The following ERG28 variants were observed in gnomAD, a reference collection of about 807,000 sequenced individuals.
ERG28 encodes ergosterol biosynthesis 28 homolog, also known as ergosterol biosynthetic protein 28 homolog.
ERG28 carries 9 observed loss-of-function variants against 15.7 expected under a neutral mutation model. That is an observed-to-expected ratio of 0.57 (90% confidence interval 0.35 to 1.00). ERG28 has a LOEUF of 1.00. Ranked by LOEUF, ERG28 falls within the 50% of genes least tolerant of loss-of-function variation. The pLI is 0.02. For missense variants in ERG28, 117 were observed against 173.3 expected (o/e 0.68, Z 1.82); for synonymous variants, 61 against 68.4 (o/e 0.89, Z 0.53).
intron 1 of ERG28, among the ~76,000 whole-genome samples, chr14:75,659,872 C>A (rs1353189433): frequency 1.3e-5 from 2 of 151,870 alleles, no homozygotes; most frequent in Non-Finnish European, 2.9e-5. Flanking sequence ...CCGCCGCCCC[C>A]CCCCGCCAAC....
intron 3 of ERG28, among the ~76,000 whole-genome samples, chr14:75,653,777 T>G (rs1443480820): frequency 6.6e-6 from 1 of 152,066 alleles, no homozygotes; most frequent in Non-Finnish European, 1.5e-5. Flanking sequence ...GTAGAACAGA[T>G]ATCTATTCTC....
chr14:75,651,338 A>T lies in ERG28; in HGVS notation c.*217T>A. ...GCAATTTCTTGACTTGGATGGAGTT[A>T]CGTAGTATTCACTTTAAAATTATTC... On this transcript the variant is annotated 3_prime_UTR_variant, in exon 5 of 5. Transcript: ENST00000256319. 2.4e-6 allele frequency: 1 copy of T among 415,448 alleles called. No homozygotes were observed. Among genetic ancestry groups the T allele is most frequent in the Non-Finnish European group, 4.3e-6 (1 of 232,532 alleles). 25.7% of individuals were successfully genotyped at this position (415,448 alleles called of 1,614,324 possible). A position where few individuals can be genotyped will look rare whatever the true frequency, so the allele number is the denominator to read the frequency against.
At chr14:75,652,412 C>T (rs1312466168) in intron 3 of ERG28, among the ~76,000 whole-genome samples, 1 of 152,200 alleles carries the variant, frequency 6.6e-6, no homozygotes, top group Non-Finnish European at 1.5e-5. Context: ...TACTTTGTGC[C>T]TTAGCCTAGA....
chr14:75,651,755 G>A lies in ERG28; in HGVS notation c.343+16C>T, dbSNP rs1890529157. 1.9e-6 allele frequency: 3 copies of A among 1,603,264 alleles called. No homozygotes were observed. Among genetic ancestry groups the A allele is most frequent in the Non-Finnish European group, 2.6e-6 (3 of 1,170,194 alleles). On this transcript the variant is annotated intron_variant, in intron 4 of 4. Transcript: ENST00000256319. Reference sequence around the variant, plus strand: ...GCACAGCTCCTGTAGGAGGTCTAGGGTGGTTGGATGCTTACTTGCCACCAT... The same window carrying A: ...GCACAGCTCCTGTAGGAGGTCTAGGATGGTTGGATGCTTACTTGCCACCAT...
At position 75,657,444 on chromosome 14, in the gene ERG28, A is replaced by G; in HGVS notation, c.59T>C (p.Met20Thr). ...TCGGAAGCTCTGCAGCGTGTTCCCC[A>G]TGGCTATGATGGACACCATAACCAG... ...SWLVMVSIIA[M>T]GNTLQSFRDH... The change falls in exon 2 of 5, where the codon ATG (methionine) becomes ACG (threonine). Residue 20 changes from methionine (M) to threonine (T), a missense_variant. Coordinates refer to ENST00000256319, the MANE Select transcript of ERG28 (RefSeq NM_007176.4). 2 of 1,614,118 alleles carry G rather than the reference A, an allele frequency of 1.2e-6. No homozygotes were observed. Among genetic ancestry groups the G allele is most frequent in the Non-Finnish European group, 1.7e-6 (2 of 1,179,986 alleles).
rs559701275 is a variant in ERG28 at position 75,660,125 on chromosome 14, T to C, written c.-32+650A>G. On this transcript the variant is annotated intron_variant, in intron 1 of 4. Coordinates refer to ENST00000256319, the MANE Select transcript of ERG28 (RefSeq NM_007176.4). ...AGCTGCATGGATGCACCTCTCCACT[T>C]TTCTGCACAAGTATGCCTTCCATTT... Among the ~76,000 whole-genome samples the C allele has an allele frequency of 3.2e-4, 49 of 152,354 alleles. No individual in the cohort carries two copies. The South Asian group carries it at 8.9e-3, about 28-fold the overall frequency.
chr14:75,656,290 A>T (rs1438562933), intron 2 of ERG28, among the ~76,000 whole-genome samples: 2 of 133,528 alleles, frequency 1.5e-5, no homozygotes, highest in Non-Finnish European at 3.2e-5. Context: ...ACACACACAC[A>T]CACACACACA....
chr14:75,653,940 G>GA (rs1890563876), intron 3 of ERG28, among the ~76,000 whole-genome samples: 2 of 49,170 alleles, frequency 4.1e-5, no homozygotes, highest in South Asian at 2.2e-3. Flanking sequence ...GTTCAAGTTT[G>GA]AAAAAAAATT....
chr14:75,655,748 G>C (rs1486363055), intron 2 of ERG28, among the ~76,000 whole-genome samples: 1 of 152,144 alleles, frequency 6.6e-6, no homozygotes, highest in Non-Finnish European at 1.5e-5. Context: ...TTCTCTGGAG[G>C]AGGGCCCCAG....
chr14:75,656,750 A>C (rs1443799800), intron 2 of ERG28, among the ~76,000 whole-genome samples: 1 of 152,232 alleles, frequency 6.6e-6, no homozygotes, highest in Non-Finnish European at 1.5e-5. Context: ...TCAGGAAGCC[A>C]GGAAAGGCTG....
chr14:75,653,848 G>A (rs1416012544), intron 3 of ERG28, among the ~76,000 whole-genome samples: 1 of 151,962 alleles, frequency 6.6e-6, no homozygotes, highest in Non-Finnish European at 1.5e-5. Flanking sequence ...CTACTGCAAA[G>A]CTAGTTACCA....
In ERG28 at chr14:75,651,432, G is replaced by A. The variant is rs1368103164; in HGVS notation, c.*123C>T. 1.1e-6 allele frequency: 1 copy of A among 921,816 alleles called. No individual in the cohort carries two copies. Among genetic ancestry groups the A allele is most frequent in the Non-Finnish European group, 1.7e-6 (1 of 605,342 alleles). 57.1% of individuals were successfully genotyped at this position (921,816 alleles called of 1,614,324 possible). ...CTTTAAATTTTAAAAATTAAAAAAAGAGGCTAAAAGTGAATAAAAGGGCAG... is the reference window on the plus strand; with the variant it reads ...CTTTAAATTTTAAAAATTAAAAAAAAAGGCTAAAAGTGAATAAAAGGGCAG... On this transcript the variant is annotated 3_prime_UTR_variant, in exon 5 of 5. Coordinates refer to ENST00000256319, the MANE Select transcript of ERG28 (RefSeq NM_007176.4).
rs1229446416 is a variant in ERG28 at position 75,650,626 on chromosome 14, C to T, written c.*929G>A. 6.6e-6 allele frequency: 1 copy of T among 152,188 alleles called. No individual in the cohort carries two copies. The highest frequency in any genetic ancestry group is 2.4e-5 in the African/African-American group (1 of 41,434). The allele number at this position is 152,188 out of a possible 1,614,324, so 9.4% of individuals were successfully genotyped here. Reference sequence around the variant, plus strand: ...TCTCTGCTCTCTCAAGAATCTGTTTCTTCTTTAGGAGGAAATAAGAAAGGG... The same window carrying T: ...TCTCTGCTCTCTCAAGAATCTGTTTTTTCTTTAGGAGGAAATAAGAAAGGG... On this transcript the variant is annotated 3_prime_UTR_variant, in exon 5 of 5. Transcript: ENST00000256319.
At chr14:75,659,533 G>T (rs1187826285) in intron 1 of ERG28, among the ~76,000 whole-genome samples, 1 of 148,860 alleles carries the variant, frequency 6.7e-6, no homozygotes. Context: ...CCAAATGCTG[G>T]GATTACAGGT....
intron 1 of ERG28, among the ~76,000 whole-genome samples, chr14:75,659,556 AC>A: frequency 1.0e-5 from 1 of 98,384 alleles, no homozygotes; most frequent in African/African-American, 3.7e-5. Flanking sequence ...GAGCTACAGC[AC>A]CCAGCCTTTT....
intron 2 of ERG28, 88 bp downstream of exon 2, chr14:75,657,282 C>T: frequency 6.8e-7 from 1 of 1,472,878 alleles, no homozygotes; most frequent in Non-Finnish European, 9.2e-7. Flanking sequence ...TCCTAGGTTA[C>T]TCTGATGTAC....
In ERG28 at chr14:75,657,517, G is replaced by A. The variant is rs780595136; in HGVS notation, c.-15C>T. 1 of 1,613,734 alleles carries A rather than the reference G, an allele frequency of 6.2e-7. No homozygotes were observed. Among genetic ancestry groups the A allele is most frequent in the Non-Finnish European group, 8.5e-7 (1 of 1,179,808 alleles). ...AAACGGCTCATGACTCCCCTCAAAC[G>A]TGGGAGGGCTTTTTGCCTTGGAAAC... On this transcript the variant is annotated 5_prime_UTR_variant, in exon 2 of 5. In the 5' UTR this introduces an upstream ATG that the reference lacks. Coordinates refer to ENST00000256319, the MANE Select transcript of ERG28 (RefSeq NM_007176.4).
rs1365372592 is a variant in ERG28 at position 75,660,817 on chromosome 14, C to G, written c.-74G>C. The G allele has an allele frequency of 6.5e-6, 1 of 153,034 alleles. No individual in the cohort carries two copies. The highest frequency in any genetic ancestry group is 2.4e-5 in the African/African-American group (1 of 41,444). 9.5% of individuals were successfully genotyped at this position (153,034 alleles called of 1,614,324 possible). On this transcript the variant is annotated 5_prime_UTR_variant, in exon 1 of 5. Coordinates refer to ENST00000256319, the MANE Select transcript of ERG28 (RefSeq NM_007176.4). ...AGCACAGCAGTGGCAGCAGCAGCCG[C>G]TGCCGCAAACAAGCTCCCCCAGGAC...
At position 75,651,430 on chromosome 14, in the gene ERG28, AAG is replaced by A. The variant is rs752795890; in HGVS notation, c.*123_*124del. The A allele has an allele frequency of 1.5e-4, 141 of 919,256 alleles. No individual in the cohort carries two copies. The highest frequency in any genetic ancestry group is 2.3e-4 in the Non-Finnish European group (136 of 602,188). 56.9% of individuals were successfully genotyped at this position (919,256 alleles called of 1,614,324 possible). A position where few individuals can be genotyped will look rare whatever the true frequency, so the allele number is the denominator to read the frequency against. On this transcript the variant is annotated 3_prime_UTR_variant, in exon 5 of 5. Coordinates refer to ENST00000256319, the MANE Select transcript of ERG28 (RefSeq NM_007176.4). ...ATCTTTAAATTTTAAAAATTAAAAA[AAG>A]AGGCTAAAAGTGAATAAAAGGGCAG... is the stretch of plus-strand genomic sequence containing the variant.
Sources: gnomAD v4.1 joint callset for allele counts (sites outside exome capture counted in the v4.1 genomes callset) on GRCh38, gnomAD v4.1.1 for gene constraint, MANE v1.5 for transcripts, NCBI Gene and HGNC (gene_info 2026-07-23, HGNC 2026-07-21) for gene names.